NTN1: variants seen among roughly 807,000 people sequenced by gnomAD.
NTN1 encodes netrin 1, also known as netrin-1.
Under a neutral mutation model 54.2 loss-of-function variants are expected in NTN1, and 11 were observed. That is an observed-to-expected ratio of 0.20 (90% CI 0.13 to 0.34). NTN1 has a LOEUF of 0.34. NTN1 is among the 10% of genes least tolerant of loss of function. The pLI, the probability that NTN1 is intolerant of heterozygous loss-of-function variation, is 1.00. For missense variants in NTN1, 740 were observed against 893.1 expected (o/e 0.83, Z 2.18); for synonymous variants, 371 against 382.0 (o/e 0.97, Z 0.33).
chr17:9,209,930 TCAGGGCACC>T (rs1905056969), intron 5 of NTN1, among the ~76,000 whole-genome samples: 1 of 151,830 alleles, frequency 6.6e-6, no homozygotes, highest in African/African-American at 2.4e-5. Context: ...GCCTGGGCAG[TCAGGGCACC>T]GTCCCTGAGA....
At chr17:9,238,158 C>T (rs1031814307) in intron 6 of NTN1, among the ~76,000 whole-genome samples, 7 of 152,102 alleles carry the variant, frequency 4.6e-5, no homozygotes, top group African/African-American at 1.7e-4. Flanking sequence ...AGAAGCCAGC[C>T]AGCATAGGAG....
chr17:9,102,141 C>G (rs531017503), intron 2 of NTN1, among the ~76,000 whole-genome samples: 1 of 152,318 alleles, frequency 6.6e-6, no homozygotes, highest in South Asian at 2.1e-4. Flanking sequence ...ATAAAATACT[C>G]TGCTGGCAGG....
chr17:9,029,131 G>T (rs1236671135), intron 2 of NTN1, among the ~76,000 whole-genome samples: 1 of 152,164 alleles, frequency 6.6e-6, no homozygotes, highest in Admixed American at 6.5e-5. Context: ...AAGGCATGGT[G>T]TTGGTCTGGG....
intron 2 of NTN1, among the ~76,000 whole-genome samples, chr17:9,036,723 G>A (rs1239040178): frequency 1.3e-5 from 2 of 152,174 alleles, no homozygotes; most frequent in African/African-American, 4.8e-5. Flanking sequence ...TGTAGGTCTA[G>A]TGGAATATAC....
At chr17:9,017,217 T>C (rs1057472011), upstream of NTN1, among the ~76,000 whole-genome samples, 1 of 152,216 alleles carries the variant, frequency 6.6e-6, no homozygotes, top group Non-Finnish European at 1.5e-5. Context: ...ACCTTCCTGC[T>C]GTGACCCTCT....
At chr17:9,071,654 A>G (rs889234592) in intron 2 of NTN1, among the ~76,000 whole-genome samples, 1 of 152,174 alleles carries the variant, frequency 6.6e-6, no homozygotes, top group African/African-American at 2.4e-5. Context: ...CTGCCTGCCC[A>G]TGGGCGGGAG....
chr17:9,228,885 C>T (rs1489816728), intron 6 of NTN1, among the ~76,000 whole-genome samples: 3 of 120,828 alleles, frequency 2.5e-5, no homozygotes, highest in African/African-American at 3.5e-5. Flanking sequence ...TGTGTGACTA[C>T]GCATGTGTGA....
At chr17:9,074,468 A>T (rs951935483) in intron 2 of NTN1, among the ~76,000 whole-genome samples, 20 of 152,214 alleles carry the variant, frequency 1.3e-4, no homozygotes, top group Non-Finnish European at 2.9e-4. Flanking sequence ...CATCTGCACC[A>T]CTGGAAAAAC....
Position 9,230,944 on chromosome 17 carries a change from C to T in NTN1, c.1487-8696C>T, listed in dbSNP as rs77220817. The stretch of plus-strand genomic sequence containing the variant: ...ATGAACAGTATCTCCTGCCCTTTTA[C>T]AGATGGGGACACCAAAGCTCAGAGT... On this transcript the variant is annotated intron_variant, in intron 6 of 6. Transcript: ENST00000173229. Among the ~76,000 whole-genome samples, 155 of 152,202 alleles carry T rather than the reference C, an allele frequency of 1.0e-3. 3 individuals are homozygous for T. In the East Asian group the frequency reaches 0.026, roughly 25 times the overall value.
intron 3 of NTN1, among the ~76,000 whole-genome samples, 153 bp from the exon 4 acceptor site, chr17:9,179,654 C>T (rs1015823512): frequency 2.6e-5 from 4 of 152,134 alleles, no homozygotes; most frequent in Non-Finnish European, 5.9e-5. Flanking sequence ...TCAGAGCTTC[C>T]GGAGTGCGTT....
intron 2 of NTN1, among the ~76,000 whole-genome samples, chr17:9,034,787 T>C (rs575140749): frequency 3.3e-5 from 5 of 152,272 alleles, no homozygotes; most frequent in South Asian, 4.2e-4. Flanking sequence ...CCATGAATTA[T>C]GTGTCCAGTG....
intron 2 of NTN1, among the ~76,000 whole-genome samples, chr17:9,034,983 G>C (rs8067701): frequency 0.52 from 78,996 of 151,476 alleles, 21,331 homozygotes; most frequent in East Asian, 0.74. Context: ...GTTTCGCTCT[G>C]TCGCCCAGGC....
intron 2 of NTN1, among the ~76,000 whole-genome samples, chr17:9,105,658 C>T (rs894324229): frequency 7.4e-6 from 1 of 135,676 alleles, no homozygotes; most frequent in Non-Finnish European, 1.7e-5. Flanking sequence ...GTCTCTCTCT[C>T]TTTCTCTCTC....
At chr17:9,167,087 C>T (rs576401675) in intron 3 of NTN1, among the ~76,000 whole-genome samples, 14 of 152,284 alleles carry the variant, frequency 9.2e-5, no homozygotes, top group South Asian at 4.2e-4. Context: ...TAAACATACC[C>T]GGGGAACAGG....
At position 9,168,959 on chromosome 17, in the gene NTN1, A is replaced by G. The variant is rs931352169; in HGVS notation, c.1207+5958A>G. Among the ~76,000 whole-genome samples the G allele has an allele frequency of 4.6e-5, 7 of 152,220 alleles. No homozygotes were observed. The East Asian group carries it at 1.3e-3, about 29-fold the overall frequency. ...GCAAGGAGTGGGCTTCATTATGGCC[A>G]GGTAAGGTTAGTACCTACTGGGAGA... On this transcript the variant is annotated intron_variant, in intron 3 of 6. Transcript: ENST00000173229.
chr17:9,012,670 C>T, the NTN1 span, among the ~76,000 whole-genome samples: 6 of 152,144 alleles, frequency 3.9e-5, no homozygotes, highest in Non-Finnish European at 5.9e-5. Context: ...CTACTGGATC[C>T]TTCTTAGGGA....
intron 5 of NTN1, among the ~76,000 whole-genome samples, chr17:9,203,687 C>T (rs1210280325): frequency 1.3e-5 from 2 of 151,922 alleles, no homozygotes; most frequent in African/African-American, 4.8e-5. Flanking sequence ...CCTGTAATCC[C>T]AGCTACTTGG....
intron 2 of NTN1, among the ~76,000 whole-genome samples, chr17:9,144,554 G>A (rs2092307783): frequency 1.3e-5 from 2 of 152,202 alleles, no homozygotes; most frequent in African/African-American, 4.8e-5. Context: ...CCCAGAGGGT[G>A]TGGGCCCTGG....
In NTN1 at chr17:9,162,886, C is replaced by A. The variant is rs772486953; in HGVS notation, c.1092C>A (p.Ser364Arg). ...TCTACAAGCTTTCGGGGCGCAAGAG[C>A]GGAGGTGTCTGCCTCAACTGTCGCC... ...MELYKLSGRK[S>R]GGVCLNCRHN... The change falls in exon 3 of 7, where the codon AGC becomes AGA. Residue 364 changes from serine (S) to arginine (R), a missense_variant. Transcript: ENST00000173229. The A allele has an allele frequency of 1.9e-6, 3 of 1,613,970 alleles. No individual in the cohort carries two copies. The African/African-American group carries it at 4.0e-5, about 22-fold the overall frequency.
Sources: allele counts gnomAD v4.1 joint callset (sites outside exome capture counted in the v4.1 genomes callset), GRCh38; gene constraint gnomAD v4.1.1; transcripts MANE v1.5; gene names NCBI Gene and HGNC (gene_info 2026-07-23, HGNC 2026-07-21).